Variants in B3GALT1 observed in about 807,000 individuals in gnomAD.
B3GALT1 encodes the protein UDP-Gal:betaGlcNAc beta 1,3-galactosyltransferase, polypeptide 1.
In B3GALT1, 10 loss-of-function variants were observed where a neutral mutation model predicts 23.2. That is an observed-to-expected ratio of 0.43 (90% CI 0.27 to 0.73). The LOEUF is 0.73. Among genes scored for constraint, B3GALT1 ranks in the 30% least tolerant of loss-of-function variants. The pLI is 0.21. For synonymous variants in B3GALT1, 156 were observed against 141.5 expected (o/e 1.10, Z -0.73); for missense variants, 299 against 405.4 (o/e 0.74, Z 2.25).
intron 3 of B3GALT1, among the ~76,000 whole-genome samples, chr2:167,772,788 A>G (rs1466752765): frequency 1.3e-5 from 2 of 152,240 alleles, no homozygotes; most frequent in Non-Finnish European, 2.9e-5. Flanking sequence ...CCAAGCTCAT[A>G]TAAACATATC....
intron 1 of B3GALT1, among the ~76,000 whole-genome samples, chr2:167,300,908 T>C (rs768391667): frequency 1.3e-5 from 2 of 152,078 alleles, no homozygotes; most frequent in Non-Finnish European, 2.9e-5. Flanking sequence ...AAATGGAAAA[T>C]AGAGGAAGTA....
chr2:167,446,572 C>G (rs1266731541), intron 1 of B3GALT1, among the ~76,000 whole-genome samples: 1 of 152,132 alleles, frequency 6.6e-6, no homozygotes, highest in Non-Finnish European at 1.5e-5. Flanking sequence ...TCTTTTTACT[C>G]TTTTTTCTCT....
chr2:167,565,559 A>C (rs540385848), intron 2 of B3GALT1, among the ~76,000 whole-genome samples: 2 of 152,230 alleles, frequency 1.3e-5, no homozygotes, highest in Non-Finnish European at 2.9e-5. Flanking sequence ...CTACCATCAG[A>C]GTGAACAGGC....
intron 2 of B3GALT1, among the ~76,000 whole-genome samples, chr2:167,645,553 ATTTTTTTT>A (rs1195110974): frequency 5.7e-5 from 5 of 87,070 alleles, no homozygotes; most frequent in South Asian, 5.1e-4. Flanking sequence ...ACTGCCAATA[ATTTTTTTT>A]TTTTTTTTTT....
At chr2:167,563,884 G>C (rs1330108416) in intron 2 of B3GALT1, among the ~76,000 whole-genome samples, 1 of 52,828 alleles carries the variant, frequency 1.9e-5, no homozygotes, top group Admixed American at 1.8e-4. Flanking sequence ...TCTGCCGGAC[G>C]GGGCGGCCGG....
chr2:167,584,151 AAT>A (rs1479004614), intron 2 of B3GALT1, among the ~76,000 whole-genome samples: 3 of 152,158 alleles, frequency 2.0e-5, no homozygotes. Flanking sequence ...CTATTTCTTA[AAT>A]GGCAGGGAGC....
intron 3 of B3GALT1, among the ~76,000 whole-genome samples, chr2:167,679,541 A>G (rs911120651): frequency 6.6e-6 from 1 of 152,292 alleles, no homozygotes; most frequent in African/African-American, 2.4e-5. Context: ...GGCGTGAGCT[A>G]CTGCACCTGG....
intron 3 of B3GALT1, among the ~76,000 whole-genome samples, chr2:167,768,804 C>T (rs967315032): frequency 5.9e-5 from 9 of 152,108 alleles, no homozygotes; most frequent in Non-Finnish European, 1.2e-4. Flanking sequence ...GAGAGACATT[C>T]GGAAATCACA....
chr2:167,858,900 G>A (rs1185987135), intron 4 of B3GALT1, among the ~76,000 whole-genome samples: 1 of 152,068 alleles, frequency 6.6e-6, no homozygotes, highest in African/African-American at 2.4e-5. Flanking sequence ...TCTCTGTGGT[G>A]AGCTGAGAAA....
chr2:167,765,581 T>C (rs1687963844), intron 3 of B3GALT1, among the ~76,000 whole-genome samples: 1 of 152,218 alleles, frequency 6.6e-6, no homozygotes, highest in Admixed American at 6.5e-5. Flanking sequence ...AATTTGCCTA[T>C]TGGCCAAATG....
chr2:167,329,341 T>C (rs1202424066), intron 1 of B3GALT1, among the ~76,000 whole-genome samples: 2 of 152,238 alleles, frequency 1.3e-5, no homozygotes, highest in South Asian at 4.1e-4. Flanking sequence ...AGTTTTAGTT[T>C]TATTCCGTAC....
intron 1 of B3GALT1, among the ~76,000 whole-genome samples, chr2:167,408,782 G>A (rs1471134501): frequency 3.4e-5 from 4 of 118,502 alleles, no homozygotes; most frequent in Middle Eastern, 4.8e-3. Context: ...TCTAACCAAA[G>A]AAGTGAAGAT....
At position 167,714,543 on chromosome 2, in the gene B3GALT1, A is replaced by T. The variant is rs1292368778; in HGVS notation, c.-352+67577A>T. On this transcript the variant is annotated intron_variant, in intron 3 of 4. Coordinates refer to ENST00000392690, the MANE Select transcript of B3GALT1 (RefSeq NM_020981.4). ...CGCTCTCTGCCAAATGTTGTATTTGAAACATCAAGTGCATTAGGATCTTTT... is the reference window on the plus strand; with the variant it reads ...CGCTCTCTGCCAAATGTTGTATTTGTAACATCAAGTGCATTAGGATCTTTT... The T allele has an allele frequency of 2.5e-6, 4 of 1,612,940 alleles. No homozygotes were observed. The African/African-American group carries it at 4.0e-5, about 16-fold the overall frequency.
chr2:167,431,727 G>A (rs916923438), intron 1 of B3GALT1, among the ~76,000 whole-genome samples: 8 of 152,168 alleles, frequency 5.3e-5, no homozygotes, highest in African/African-American at 1.9e-4. Context: ...GTTTTAAAAG[G>A]ATGGGCAAAG....
intron 1 of B3GALT1, among the ~76,000 whole-genome samples, chr2:167,366,156 A>G (rs1227971796): frequency 1.3e-5 from 2 of 152,240 alleles, no homozygotes; most frequent in African/African-American, 4.8e-5. Flanking sequence ...TAGTATGTGT[A>G]AAAGTATAGC....
chr2:167,762,274 A>G (rs1384228802), intron 3 of B3GALT1, among the ~76,000 whole-genome samples: 1 of 152,224 alleles, frequency 6.6e-6, no homozygotes, highest in Non-Finnish European at 1.5e-5. Flanking sequence ...AACAATACCA[A>G]TACATACAAG....
intron 2 of B3GALT1, among the ~76,000 whole-genome samples, chr2:167,564,269 G>T (rs1157476383): frequency 1.3e-5 from 2 of 151,720 alleles, no homozygotes; most frequent in African/African-American, 4.8e-5. Flanking sequence ...ACGATGGGCG[G>T]CCGGGCAGAG....
chr2:167,869,706 C>T lies in B3GALT1; in HGVS notation c.667C>T (p.Pro223Ser). 1 of 1,614,062 alleles carries T rather than the reference C, an allele frequency of 6.2e-7. No individual in the cohort carries two copies. The highest frequency in any genetic ancestry group is 8.5e-7 in the Non-Finnish European group (1 of 1,179,990). ...IRDVRSKWYM[P>S]RDLYPDSNYP... ...GGATGTCCGCAGTAAGTGGTATATG[C>T]CCAGGGATTTGTACCCAGACAGTAA... The change falls in exon 5 of 5, where the codon CCC becomes TCC. Residue 223 changes from proline (P) to serine (S), a missense_variant. Pro to Ser is a moderately conservative substitution (Grantham distance 74, BLOSUM62 -1). Coordinates refer to ENST00000392690, the MANE Select transcript of B3GALT1 (RefSeq NM_020981.4). This position sits in a 1 kb window ranked among gnomAD's most constrained non-coding sequence, Gnocchi z 6.4.
At chr2:167,311,507 A>T (rs1696633564) in intron 1 of B3GALT1, among the ~76,000 whole-genome samples, 1 of 152,006 alleles carries the variant, frequency 6.6e-6, no homozygotes, top group African/African-American at 2.4e-5. Context: ...TCGAAGTGAA[A>T]AGTTAAAAAA....
Sources: allele counts gnomAD v4.1 joint callset (sites outside exome capture counted in the v4.1 genomes callset), GRCh38; gene constraint gnomAD v4.1.1; non-coding constraint Gnocchi (gnomAD v3.1); transcripts MANE v1.5; gene names NCBI Gene and HGNC (gene_info 2026-07-23, HGNC 2026-07-21).